The following ELOVL7 variants were observed in gnomAD, a reference collection of about 807,000 sequenced individuals.
ELOVL7 encodes the protein very long chain fatty acid elongase 7.
A neutral mutation model predicts 35.7 loss-of-function variants in ELOVL7; 27 were observed. The ratio of observed to expected loss-of-function variants is 0.76; its 90% CI spans 0.56 to 1.04. The LOEUF is 1.04. Ranked by LOEUF, ELOVL7 falls within the 50% of genes least tolerant of loss-of-function variation. ELOVL7 has a pLI of 0.00. For synonymous variants in ELOVL7, 113 were observed against 114.6 expected, an observed-to-expected ratio of 0.99 and a Z score of 0.09; for missense variants, 327 against 340.8, an observed-to-expected ratio of 0.96 and a Z score of 0.32.
intron 1 of ELOVL7, among the ~76,000 whole-genome samples, chr5:60,835,107 T>C (rs1270518157): frequency 4.0e-5 from 6 of 151,024 alleles, no homozygotes; most frequent in Non-Finnish European, 8.8e-5. Context: ...GGAGGATCAA[T>C]TGAGCCCGGG....
chr5:60,811,651 G>C (rs1208196810), intron 1 of ELOVL7, among the ~76,000 whole-genome samples: 1 of 152,090 alleles, frequency 6.6e-6, no homozygotes, highest in Non-Finnish European at 1.5e-5. Flanking sequence ...AGGAGAGTGA[G>C]TCTGTTATAA....
chr5:60,796,305 A>C (rs1282799807), intron 2 of ELOVL7, among the ~76,000 whole-genome samples: 1 of 152,240 alleles, frequency 6.6e-6, no homozygotes, highest in African/African-American at 2.4e-5. Flanking sequence ...AGCAGCTCTG[A>C]AGTATATTAA....
intron 1 of ELOVL7, among the ~76,000 whole-genome samples, chr5:60,799,539 C>A (rs974248170): frequency 6.6e-6 from 1 of 152,148 alleles, no homozygotes; most frequent in African/African-American, 2.4e-5. Context: ...ATAAGAACTA[C>A]TGTGAAAAAT....
chr5:60,761,779 A>G (rs1474317863), intron 7 of ELOVL7, among the ~76,000 whole-genome samples: 1 of 152,130 alleles, frequency 6.6e-6, no homozygotes, highest in Non-Finnish European at 1.5e-5. Flanking sequence ...TATCGTATAG[A>G]GTTCTGGTGA....
At chr5:60,787,886 T>C (rs1008928238) in intron 2 of ELOVL7, among the ~76,000 whole-genome samples, 9 of 152,168 alleles carry the variant, frequency 5.9e-5, no homozygotes, top group African/African-American at 2.2e-4. Context: ...AAGTCATCTA[T>C]ATGCAAATTT....
At chr5:60,801,978 C>A (rs1245286761) in intron 1 of ELOVL7, among the ~76,000 whole-genome samples, 1 of 150,718 alleles carries the variant, frequency 6.6e-6, no homozygotes, top group Non-Finnish European at 1.5e-5. Flanking sequence ...AGTGACACTA[C>A]TAGCTTCTCT....
At chr5:60,763,066 G>A (rs916097823) in intron 7 of ELOVL7, among the ~76,000 whole-genome samples, 5 of 152,184 alleles carry the variant, frequency 3.3e-5, no homozygotes, top group Admixed American at 1.3e-4. Flanking sequence ...ACACCACTGA[G>A]ACTATCTTGT....
At chr5:60,766,105 A>G (rs1742220088) in intron 6 of ELOVL7, among the ~76,000 whole-genome samples, 1 of 152,214 alleles carries the variant, frequency 6.6e-6, no homozygotes, top group African/African-American at 2.4e-5. Context: ...TGAATTACCG[A>G]CAGCCCAGGG....
At chr5:60,841,177 C>T (rs1193126649) in intron 1 of ELOVL7, among the ~76,000 whole-genome samples, 1 of 151,918 alleles carries the variant, frequency 6.6e-6, no homozygotes, top group Non-Finnish European at 1.5e-5. Flanking sequence ...AGGCATGTGC[C>T]AACACACCCA....
intron 1 of ELOVL7, among the ~76,000 whole-genome samples, chr5:60,816,362 C>T (rs982280269): frequency 7.2e-6 from 1 of 139,774 alleles, no homozygotes; most frequent in Admixed American, 7.4e-5. Flanking sequence ...GCCTGAGCAA[C>T]AGAGCGAGAC....
chr5:60,775,026 A>G (rs934312927), intron 3 of ELOVL7, among the ~76,000 whole-genome samples: 4 of 152,192 alleles, frequency 2.6e-5, no homozygotes, highest in Admixed American at 2.6e-4. Context: ...GGCCTCCCAA[A>G]GTGCTGGGAT....
intron 1 of ELOVL7, among the ~76,000 whole-genome samples, chr5:60,842,985 A>C (rs2112424091): frequency 6.6e-6 from 1 of 152,270 alleles, no homozygotes; most frequent in African/African-American, 2.4e-5. Flanking sequence ...GAGAAACTAC[A>C]AAGAAAGGGA....
chr5:60,817,848 GTATATA>G (rs763735182), intron 1 of ELOVL7, among the ~76,000 whole-genome samples: 2 of 143,206 alleles, frequency 1.4e-5, no homozygotes. Context: ...GTGTGTGTGT[GTATATA>G]TATATATATA....
At chr5:60,837,329 G>A (rs1746883450) in intron 1 of ELOVL7, among the ~76,000 whole-genome samples, 2 of 127,534 alleles carry the variant, frequency 1.6e-5, no homozygotes, top group South Asian at 5.7e-4. Flanking sequence ...GGGGGAGTGG[G>A]GGGTGGGGGT....
intron 2 of ELOVL7, among the ~76,000 whole-genome samples, chr5:60,794,683 GA>G (rs1489628754): frequency 6.6e-6 from 1 of 152,222 alleles, no homozygotes; most frequent in African/African-American, 2.4e-5. Context: ...TTTAATCCAG[GA>G]ACACAGCTAT....
At chr5:60,799,862 A>AC (rs1290896618) in intron 1 of ELOVL7, among the ~76,000 whole-genome samples, 1 of 151,476 alleles carries the variant, frequency 6.6e-6, no homozygotes, top group Non-Finnish European at 1.5e-5. Context: ...ACATGGAGAA[A>AC]CCCCGTCTCT....
At chr5:60,799,361 A>G (rs1744454616) in intron 1 of ELOVL7, 131 bp from the exon 2 acceptor site, 3 of 152,128 alleles carry the variant, frequency 2.0e-5, no homozygotes, top group African/African-American at 7.2e-5. Flanking sequence ...GGAAATAAAG[A>G]CTAGAAAAAC....
At chr5:60,766,246 A>G (rs1037820709) in intron 6 of ELOVL7, among the ~76,000 whole-genome samples, 4 of 152,238 alleles carry the variant, frequency 2.6e-5, no homozygotes, top group Admixed American at 6.5e-5. Context: ...TTGATTCATA[A>G]AACAACTGTC....
intron 3 of ELOVL7, among the ~76,000 whole-genome samples, chr5:60,772,705 C>T (rs904530067): frequency 6.6e-6 from 1 of 152,116 alleles, no homozygotes; most frequent in South Asian, 2.1e-4. Context: ...GGGAGCAAAC[C>T]CAAGGATACA....
Sources: gnomAD v4.1 joint callset for allele counts (sites outside exome capture counted in the v4.1 genomes callset) on GRCh38, gnomAD v4.1.1 for gene constraint, MANE v1.5 for transcripts, NCBI Gene and HGNC (gene_info 2026-07-23, HGNC 2026-07-21) for gene names.